EVI5: variants seen among roughly 807,000 people sequenced by gnomAD.
EVI5 encodes the protein ecotropic viral integration site 5 protein homolog.
EVI5 carries 73 observed loss-of-function variants against 112.0 expected under a neutral mutation model. The observed-to-expected ratio is 0.65, with a 90% confidence interval of 0.54 to 0.79. The LOEUF is 0.79. EVI5 is among the 30% of genes least tolerant of loss of function. The pLI is 0.00. For synonymous variants in EVI5, 305 were observed against 319.9 expected (o/e 0.95, Z 0.50); for missense variants, 900 against 968.8 (o/e 0.93, Z 0.94).
chr1:92,551,646 T>C (rs1666956256), intron 19 of EVI5, among the ~76,000 whole-genome samples: 1 of 152,126 alleles, frequency 6.6e-6, no homozygotes, highest in East Asian at 1.9e-4. Context: ...ATTAAAATGG[T>C]TTTAGATGTT....
At chr1:92,755,598 T>C (rs1403708044) in intron 1 of EVI5, among the ~76,000 whole-genome samples, 2 of 152,196 alleles carry the variant, frequency 1.3e-5, no homozygotes, top group Non-Finnish European at 2.9e-5. Context: ...AATACTCAAA[T>C]AAGCAAGGAC....
intron 19 of EVI5, among the ~76,000 whole-genome samples, chr1:92,553,297 A>T (rs1391672312): frequency 5.4e-5 from 4 of 74,214 alleles, no homozygotes; most frequent in Non-Finnish European, 9.4e-5. Context: ...CACCTGGCCA[A>T]TTTTTTTTTT....
intron 18 of EVI5, among the ~76,000 whole-genome samples, chr1:92,594,639 A>T (rs1460679117): frequency 6.6e-6 from 1 of 151,878 alleles, no homozygotes; most frequent in African/African-American, 2.4e-5. Context: ...AGCCTACAGA[A>T]TGGGAGAAAA....
intron 8 of EVI5, 80 bp downstream of exon 8, chr1:92,694,219 C>T (rs1570400089): frequency 5.1e-6 from 4 of 788,978 alleles, no homozygotes. Flanking sequence ...GAGCCAAGAT[C>T]ACGCCACTGC....
At chr1:92,618,888 A>G (rs1653850087) in intron 16 of EVI5, among the ~76,000 whole-genome samples, 1 of 152,228 alleles carries the variant, frequency 6.6e-6, no homozygotes, top group East Asian at 1.9e-4. Context: ...TATTGACTTC[A>G]TATCAGCATT....
At chr1:92,698,551 A>G (rs1475618409) in intron 5 of EVI5, among the ~76,000 whole-genome samples, 1 of 152,202 alleles carries the variant, frequency 6.6e-6, no homozygotes, top group Non-Finnish European at 1.5e-5. Context: ...ACCAAAGAGT[A>G]CAAAGGTCCT....
chr1:92,695,502 T>A (rs1284787581), intron 6 of EVI5, 49 bp from the exon 7 acceptor site: 1 of 1,231,804 alleles, frequency 8.1e-7, no homozygotes, highest in Non-Finnish European at 1.1e-6. Flanking sequence ...CTGAGTATTT[T>A]AAATTAGATT....
At chr1:92,553,297 ATTTTTTT>A (rs147973775) in intron 19 of EVI5, among the ~76,000 whole-genome samples, 2 of 74,214 alleles carry the variant, frequency 2.7e-5, no homozygotes, top group East Asian at 4.3e-4. Context: ...CACCTGGCCA[ATTTTTTT>A]TTTTTTTTTT....
chr1:92,692,441 T>C (rs972874041), intron 9 of EVI5, among the ~76,000 whole-genome samples: 1 of 152,206 alleles, frequency 6.6e-6, no homozygotes, highest in African/African-American at 2.4e-5. Flanking sequence ...TCTCCACACA[T>C]GGTAGTTATT....
chr1:92,686,412 T>G (rs537078765), intron 9 of EVI5, among the ~76,000 whole-genome samples: 2 of 152,186 alleles, frequency 1.3e-5, no homozygotes, highest in Non-Finnish European at 2.9e-5. Context: ...TAATGAGCTA[T>G]TTATGACAAA....
At chr1:92,600,255 A>G (rs1307774978) in intron 18 of EVI5, among the ~76,000 whole-genome samples, 1 of 152,218 alleles carries the variant, frequency 6.6e-6, no homozygotes, top group Non-Finnish European at 1.5e-5. Flanking sequence ...TGACACAATC[A>G]TAAGGAAAGG....
chr1:92,598,908 T>A (rs1211665339), intron 18 of EVI5, among the ~76,000 whole-genome samples: 1 of 151,936 alleles, frequency 6.6e-6, no homozygotes, highest in Admixed American at 6.6e-5. Flanking sequence ...TTATAAACAA[T>A]ATAACTAGAT....
chr1:92,592,323 G>A (rs1674098485), intron 18 of EVI5, among the ~76,000 whole-genome samples: 1 of 152,136 alleles, frequency 6.6e-6, no homozygotes, highest in Admixed American at 6.5e-5. Context: ...AATGACTACT[G>A]GGTACATAAT....
At chr1:92,648,004 CA>C (rs1398549026) in intron 13 of EVI5, among the ~76,000 whole-genome samples, 3 of 147,708 alleles carry the variant, frequency 2.0e-5, no homozygotes, top group Non-Finnish European at 4.5e-5. Context: ...CTCAGCCTCT[CA>C]AAGTGCTGGG....
intron 18 of EVI5, among the ~76,000 whole-genome samples, chr1:92,575,630 C>A (rs1378152232): frequency 7.8e-6 from 1 of 127,662 alleles, no homozygotes; most frequent in African/African-American, 3.0e-5. Flanking sequence ...AGTGCAGTGG[C>A]ATGATCCTGG....
At chr1:92,562,100 T>C (rs1668729431) in intron 19 of EVI5, among the ~76,000 whole-genome samples, 2 of 152,228 alleles carry the variant, frequency 1.3e-5, no homozygotes, top group South Asian at 4.1e-4. Context: ...AATGGGAGGT[T>C]GCTTTATTTT....
chr1:92,699,976 T>C (rs1173043506), intron 5 of EVI5, among the ~76,000 whole-genome samples: 1 of 152,146 alleles, frequency 6.6e-6, no homozygotes, highest in Non-Finnish European at 1.5e-5. Flanking sequence ...TTTTTTTTAA[T>C]GGCAACATTT....
chr1:92,718,991 C>A (rs911198787), intron 2 of EVI5, among the ~76,000 whole-genome samples: 5 of 152,128 alleles, frequency 3.3e-5, no homozygotes, highest in Non-Finnish European at 7.4e-5. Flanking sequence ...CCAAGCTAAA[C>A]CAGGAAGAAG....
In EVI5 at chr1:92,703,524, T is replaced by G. The variant is rs1246985984; in HGVS notation, c.435A>C (p.Ser145=). 5 of 1,603,150 alleles carry G rather than the reference T, an allele frequency of 3.1e-6. No homozygotes were observed. Among genetic ancestry groups the G allele is most frequent in the Non-Finnish European group, 4.2e-6 (5 of 1,177,192 alleles). The change falls in exon 4 of 20, where the codon TCA becomes TCC. Residue 145 remains serine (S), a synonymous_variant. Coordinates refer to ENST00000684568, the MANE Select transcript of EVI5 (RefSeq NM_001350197.2). ...AQSMPIKDQY[S]ELLKMTSPCE... ...AAGGCGAGGTCATTTTCAGGAGTTC[T>G]GAATACTGATCCTTAATTGGCATAC...
Sources: gnomAD v4.1 joint callset for allele counts (sites outside exome capture counted in the v4.1 genomes callset) on GRCh38, gnomAD v4.1.1 for gene constraint, MANE v1.5 for transcripts, NCBI Gene and HGNC (gene_info 2026-07-23, HGNC 2026-07-21) for gene names.